The following SPOCK1 variants were observed in gnomAD, a reference collection of about 807,000 sequenced individuals.
SPOCK1 encodes testican-1.
Under a neutral mutation model 55.3 loss-of-function variants are expected in SPOCK1, and 23 were observed. The observed-to-expected ratio is 0.42, with a 90% confidence interval of 0.30 to 0.59. The LOEUF (loss-of-function observed/expected upper bound fraction) is 0.59, where lower values mean the gene tolerates loss of function less well. Ranked by LOEUF, SPOCK1 falls within the 20% of genes least tolerant of loss-of-function variation. The pLI, the probability that SPOCK1 is intolerant of heterozygous loss-of-function variation, is 0.22. For synonymous variants in SPOCK1, 226 were observed against 221.0 expected (o/e 1.02, Z -0.20); for missense variants, 499 against 552.5 (o/e 0.90, Z 0.97).
At chr5:137,337,296 C>T (rs17171357) in intron 2 of SPOCK1, among the ~76,000 whole-genome samples, 9,870 of 152,196 alleles carry the variant, frequency 0.065, 659 homozygotes, top group African/African-American at 0.17. Flanking sequence ...GAAAGCTTTG[C>T]GTATCAGGCT....
chr5:137,492,675 A>G (rs2149845697), intron 2 of SPOCK1, among the ~76,000 whole-genome samples: 1 of 152,360 alleles, frequency 6.6e-6, no homozygotes, highest in Admixed American at 6.5e-5. Context: ...TTTAAGTTAA[A>G]TGAACTGTGT....
intron 6 of SPOCK1, among the ~76,000 whole-genome samples, chr5:137,033,023 G>A (rs964856741): frequency 2.6e-5 from 4 of 152,232 alleles, no homozygotes; most frequent in African/African-American, 9.6e-5. Flanking sequence ...CCCGCTAAAT[G>A]GCTGGGGATG....
intron 4 of SPOCK1, among the ~76,000 whole-genome samples, chr5:137,133,425 G>T (rs918717759): frequency 1.7e-4 from 26 of 151,254 alleles, no homozygotes; most frequent in Non-Finnish European, 2.9e-5. Flanking sequence ...TAGCGAATTT[G>T]CCTGACAATG....
intron 2 of SPOCK1, among the ~76,000 whole-genome samples, chr5:137,410,118 T>C (rs1561528173): frequency 6.6e-6 from 1 of 152,240 alleles, no homozygotes; most frequent in Non-Finnish European, 1.5e-5. Context: ...TCCCAAATCA[T>C]CACACCACAG....
intron 5 of SPOCK1, among the ~76,000 whole-genome samples, chr5:137,097,081 A>G (rs1753163213): frequency 6.6e-6 from 1 of 152,240 alleles, no homozygotes; most frequent in Non-Finnish European, 1.5e-5. Flanking sequence ...GGTGGCACAC[A>G]GCAGACAGTA....
intron 3 of SPOCK1, among the ~76,000 whole-genome samples, chr5:137,210,383 C>T (rs1755589287): frequency 6.6e-6 from 1 of 152,108 alleles, no homozygotes; most frequent in Non-Finnish European, 1.5e-5. Context: ...ATCTAGGGAA[C>T]CCTTAAGGCA....
intron 2 of SPOCK1, among the ~76,000 whole-genome samples, chr5:137,319,809 G>T (rs1757948104): frequency 6.6e-6 from 1 of 151,856 alleles, no homozygotes; most frequent in Non-Finnish European, 1.5e-5. Context: ...GCCAGGCGCG[G>T]TGGCGGGCGC....
At chr5:137,299,656 T>C (rs948718346) in intron 2 of SPOCK1, among the ~76,000 whole-genome samples, 10 of 152,116 alleles carry the variant, frequency 6.6e-5, no homozygotes, top group African/African-American at 9.6e-5. Context: ...TTTTGCATAA[T>C]GCAGATTTAA....
At chr5:137,271,747 C>T (rs1756968506) in intron 2 of SPOCK1, among the ~76,000 whole-genome samples, 1 of 152,008 alleles carries the variant, frequency 6.6e-6, no homozygotes, top group South Asian at 2.1e-4. Context: ...GGTGGCAGAA[C>T]CAAATGAAAA....
intron 3 of SPOCK1, among the ~76,000 whole-genome samples, chr5:137,241,553 T>C (rs1186358115): frequency 6.6e-6 from 1 of 152,084 alleles, no homozygotes; most frequent in African/African-American, 2.4e-5. Flanking sequence ...TGTTGGGAGG[T>C]GGAGCCCAGT....
intron 2 of SPOCK1, among the ~76,000 whole-genome samples, chr5:137,401,404 T>A (rs1751974161): frequency 6.6e-6 from 1 of 152,066 alleles, no homozygotes; most frequent in South Asian, 2.1e-4. Context: ...CAGCAGGCAC[T>A]ATTAACATTC....
intron 2 of SPOCK1, among the ~76,000 whole-genome samples, chr5:137,308,530 G>A (rs548914427): frequency 1.4e-4 from 21 of 152,244 alleles, no homozygotes; most frequent in Admixed American, 6.5e-4. Context: ...CCAGGGCCCC[G>A]GTTCCAAAGG....
At chr5:137,101,677 G>T (rs995457105) in intron 5 of SPOCK1, among the ~76,000 whole-genome samples, 1 of 152,154 alleles carries the variant, frequency 6.6e-6, no homozygotes, top group Non-Finnish European at 1.5e-5. Context: ...CACAATGGAC[G>T]ATGTCTGAAC....
intron 2 of SPOCK1, among the ~76,000 whole-genome samples, chr5:137,273,651 T>C (rs968969096): frequency 4.6e-5 from 7 of 152,316 alleles, no homozygotes; most frequent in Middle Eastern, 3.4e-3. Context: ...GTGATCTATA[T>C]CATTGCTGCC....
intron 2 of SPOCK1, among the ~76,000 whole-genome samples, chr5:137,452,396 A>C (rs182291976): frequency 6.6e-6 from 1 of 152,284 alleles, no homozygotes; most frequent in East Asian, 1.9e-4. Flanking sequence ...CGTCATTTTG[A>C]AAGGGCGGGG....
At chr5:137,490,305 T>C (rs544657107) in intron 2 of SPOCK1, among the ~76,000 whole-genome samples, 1 of 152,304 alleles carries the variant, frequency 6.6e-6, no homozygotes, top group East Asian at 1.9e-4. Context: ...TAATCCCTAC[T>C]AGTATTCTCC....
chr5:137,219,131 G>A (rs929461814), intron 3 of SPOCK1, among the ~76,000 whole-genome samples: 1 of 152,164 alleles, frequency 6.6e-6, no homozygotes, highest in African/African-American at 2.4e-5. Context: ...GGAAATGCTA[G>A]CATCACCCTC....
At chr5:137,081,395 T>C (rs713583) in intron 5 of SPOCK1, among the ~76,000 whole-genome samples, 16,142 of 152,184 alleles carry the variant, frequency 0.11, 1,023 homozygotes, top group East Asian at 0.25. Flanking sequence ...GAAAAACAGA[T>C]ACTAGCTAAG....
At chr5:137,090,021 A>T (rs1279627722) in intron 5 of SPOCK1, among the ~76,000 whole-genome samples, 1 of 152,202 alleles carries the variant, frequency 6.6e-6, no homozygotes, top group Non-Finnish European at 1.5e-5. Context: ...CTAACACTAG[A>T]TACTTGGCAT....
Sources: gnomAD v4.1 joint callset for allele counts (sites outside exome capture counted in the v4.1 genomes callset) on GRCh38, gnomAD v4.1.1 for gene constraint, MANE v1.5 for transcripts, NCBI Gene and HGNC (gene_info 2026-07-23, HGNC 2026-07-21) for gene names.